Variants in BRDT observed in about 807,000 individuals in gnomAD.
BRDT encodes the protein bromodomain testis-specific protein.
Under a neutral mutation model 113.9 loss-of-function variants are expected in BRDT, and 77 were observed. The ratio of observed to expected loss-of-function variants is 0.68; its 90% CI spans 0.56 to 0.82. The LOEUF is 0.82. Ranked by LOEUF, BRDT falls within the 40% of genes least tolerant of loss-of-function variation. The probability of loss-of-function intolerance (pLI) is 0.00; values close to 1 mark genes in which losing one functional copy is unlikely to be tolerated. For synonymous variants in BRDT, 358 were observed against 366.5 expected, an observed-to-expected ratio of 0.98 and a Z score of 0.26; for missense variants, 1,027 against 1,105.4, an observed-to-expected ratio of 0.93 and a Z score of 1.01.
intron 2 of BRDT, 74 bp downstream of exon 2, chr1:91,963,020 T>G: frequency 1.6e-6 from 2 of 1,224,414 alleles, no homozygotes; most frequent in African/African-American, 3.0e-5. Context: ...ATAACTAGTC[T>G]TTAATATTAT....
intron 18 of BRDT, among the ~76,000 whole-genome samples, chr1:92,008,281 T>C (rs1335739479): frequency 6.6e-6 from 1 of 152,226 alleles, no homozygotes. Flanking sequence ...AAGGACTTCC[T>C]TTGAACATTT....
chr1:92,000,092 G>A (rs915390265), intron 15 of BRDT, among the ~76,000 whole-genome samples: 1 of 152,160 alleles, frequency 6.6e-6, no homozygotes, highest in African/African-American at 2.4e-5. Context: ...CACCATGGCT[G>A]GTCTCAAACT....
intron 1 of BRDT, among the ~76,000 whole-genome samples, chr1:91,960,877 TATC>T (rs986732095): frequency 3.9e-5 from 6 of 152,246 alleles, no homozygotes; most frequent in African/African-American, 1.2e-4. Flanking sequence ...GTACCTTTAT[TATC>T]CTTAAAGTAA....
At chr1:91,991,847 C>G (rs1685783927) in intron 13 of BRDT, among the ~76,000 whole-genome samples, 1 of 68,436 alleles carries the variant, frequency 1.5e-5, no homozygotes, top group Admixed American at 1.6e-4. Context: ...AAAAAATTAG[C>G]CGGGCATGGC....
At chr1:91,979,011 A>C (rs112550417) in intron 7 of BRDT, among the ~76,000 whole-genome samples, 1,498 of 130,806 alleles carry the variant, frequency 0.011, 24 homozygotes, top group African/African-American at 0.041. Flanking sequence ...AAAAAAAAAA[A>C]AACAACAACA....
Position 92,012,793 on chromosome 1 carries a change from C to T in BRDT, c.2776-1413C>T, listed in dbSNP as rs898616727. ...GGCTTGGTGGTACGCACCTGTAGCC[C>T]CAGCTACTTGGGAGGCTAAGATATG... On this transcript the variant is annotated intron_variant, in intron 18 of 18. Coordinates refer to ENST00000399546, the MANE Select transcript of BRDT (RefSeq NM_207189.4). Among the ~76,000 whole-genome samples the T allele has an allele frequency of 5.3e-5, 8 of 151,902 alleles. No individual in the cohort carries two copies. In the South Asian group the frequency reaches 6.2e-4, roughly 12 times the overall value.
intron 12 of BRDT, 68 bp from the exon 13 acceptor site, chr1:91,991,116 G>A (rs758453861): frequency 6.0e-5 from 64 of 1,065,078 alleles, no homozygotes; most frequent in Non-Finnish European, 8.0e-5. Context: ...TTTCTAATAT[G>A]GAAAAATTAT....
intron 1 of BRDT, among the ~76,000 whole-genome samples, chr1:91,958,214 CTTTTTTT>C (rs35049237): frequency 7.9e-6 from 1 of 127,344 alleles, no homozygotes; most frequent in Admixed American, 8.8e-5. Flanking sequence ...AACTCATGCC[CTTTTTTT>C]TTTTTTTTTT....
intron 18 of BRDT, among the ~76,000 whole-genome samples, chr1:92,007,462 C>A (rs1241172398): frequency 6.6e-6 from 1 of 152,144 alleles, no homozygotes; most frequent in Admixed American, 6.5e-5. Flanking sequence ...TCATTCAGCT[C>A]CCACTTATAG....
chr1:91,979,039 A>G (rs1269465445), intron 7 of BRDT, among the ~76,000 whole-genome samples: 1 of 147,438 alleles, frequency 6.8e-6, no homozygotes, highest in African/African-American at 2.5e-5. Context: ...AAAAAACCCT[A>G]TATTACTTGA....
rs753030387 is a variant in BRDT at position 91,980,657 on chromosome 1, T to C, written c.1302T>C (p.His434=). 4 of 1,577,266 alleles carry C rather than the reference T, an allele frequency of 2.5e-6. No individual in the cohort carries two copies. The African/African-American group carries it at 5.5e-5, about 22-fold the overall frequency. Residue 434 remains histidine, a synonymous_variant, in exon 9 of 19, where the codon CAT becomes CAC. Coordinates refer to ENST00000399546, the MANE Select transcript of BRDT (RefSeq NM_207189.4). ...AKLQEQLKAV[H]QQLQVLSQVP... ...TCTTTTATCAGCTTAAAGCTGTACATCAACAGCTCCAGGTTTTGTCCCAAG... is the reference window on the plus strand; with the variant it reads ...TCTTTTATCAGCTTAAAGCTGTACACCAACAGCTCCAGGTTTTGTCCCAAG...
chr1:91,995,993 G>A (rs1400743714), intron 15 of BRDT, among the ~76,000 whole-genome samples: 1 of 152,076 alleles, frequency 6.6e-6, no homozygotes, highest in African/African-American at 2.4e-5. Flanking sequence ...AATATCTAAG[G>A]CCACACTGGA....
Position 91,994,304 on chromosome 1 carries a change from C to A in BRDT, c.2287+50C>A, listed in dbSNP as rs113095414. The A allele has an allele frequency of 4.8e-3, 6,586 of 1,383,800 alleles. 45 individuals are homozygous for A. Among genetic ancestry groups the A allele is most frequent in the African/African-American group, 0.023 (1,571 of 68,594 alleles). The allele number at this position is 1,383,800 out of a possible 1,614,324, so 85.7% of individuals were successfully genotyped here. A position where few individuals can be genotyped will look rare whatever the true frequency, so the allele number is the denominator to read the frequency against. The stretch of plus-strand genomic sequence containing the variant: ...TGTTATTGAGAAATTGACTTCTAAA[C>A]CTATACATATATGAAAATGTTATGG... On this transcript the variant is annotated intron_variant, in intron 15 of 18. Coordinates refer to ENST00000399546, the MANE Select transcript of BRDT (RefSeq NM_207189.4).
chr1:91,952,239 A>G (rs1052462779), intron 1 of BRDT: 1 of 152,244 alleles, frequency 6.6e-6, no homozygotes, highest in African/African-American at 2.4e-5. Flanking sequence ...ATAATTCATT[A>G]GATTTAACAA....
At position 91,976,400 on chromosome 1, in the gene BRDT, G is replaced by A; in HGVS notation, c.580G>A (p.Gly194Arg). 1.2e-6 allele frequency: 2 copies of A among 1,601,044 alleles called. No homozygotes were observed. The highest frequency in any genetic ancestry group is 1.7e-6 in the Non-Finnish European group (2 of 1,175,672). ...TATTTCTCCCTTGAACGTGGTACAG[G>A]GAGCTTCAGTCAACTCCAGTTCACA... is the stretch of plus-strand genomic sequence containing the variant. ...TSISPLNVVQGASVNSSSQTA... is the reference protein window; with the variant it reads ...TSISPLNVVQRASVNSSSQTA... The change falls in exon 5 of 19, where the codon GGA becomes AGA. Residue 194 changes from glycine to arginine, a missense_variant. Gly to Arg is a moderately radical substitution (Grantham distance 125). Coordinates refer to ENST00000399546, the MANE Select transcript of BRDT (RefSeq NM_207189.4).
chr1:91,973,336 G>T (rs556682791), intron 4 of BRDT, among the ~76,000 whole-genome samples: 4,976 of 152,158 alleles, frequency 0.033, 295 homozygotes, highest in African/African-American at 0.11. Flanking sequence ...TTGGTAGCTT[G>T]ATGGGGATGG....
chr1:91,985,995 T>C (rs1217444652), intron 12 of BRDT, among the ~76,000 whole-genome samples: 5 of 152,222 alleles, frequency 3.3e-5, no homozygotes, highest in Non-Finnish European at 7.3e-5. Context: ...TTGCAAATTT[T>C]AATGTGATTT....
At chr1:91,996,173 T>C (rs561157595) in intron 15 of BRDT, among the ~76,000 whole-genome samples, 1 of 152,328 alleles carries the variant, frequency 6.6e-6, no homozygotes, top group African/African-American at 2.4e-5. Context: ...CAACAAATTA[T>C]ATACAAATTT....
chr1:91,967,661 G>A (rs928877092), intron 3 of BRDT, among the ~76,000 whole-genome samples: 1 of 152,144 alleles, frequency 6.6e-6, no homozygotes, highest in African/African-American at 2.4e-5. Context: ...GCCTCCCAAA[G>A]TTCTGGGATT....
Sources: allele counts gnomAD v4.1 joint callset (sites outside exome capture counted in the v4.1 genomes callset), GRCh38; gene constraint gnomAD v4.1.1; transcripts MANE v1.5; gene names NCBI Gene and HGNC (gene_info 2026-07-23, HGNC 2026-07-21).